Variants in KDM2A observed in about 807,000 individuals in gnomAD.
KDM2A encodes the protein lysine demethylase 2A.
Under a neutral mutation model 137.3 loss-of-function variants are expected in KDM2A, and 3 were observed. That is an observed-to-expected ratio of 0.02 (90% confidence interval 0.01 to 0.06). The LOEUF (loss-of-function observed/expected upper bound fraction) is 0.06. Among genes scored for constraint, KDM2A ranks in the 10% least tolerant of loss-of-function variants. The probability of loss-of-function intolerance (pLI) is 1.00; values close to 1 mark genes in which losing one functional copy is unlikely to be tolerated. For missense variants in KDM2A, 738 were observed against 1,510.6 expected (o/e 0.49, Z 8.48); for synonymous variants, 512 against 541.5 (o/e 0.95, Z 0.76).
At chr11:67,234,690 A>C (rs1258998311) in intron 12 of KDM2A, among the ~76,000 whole-genome samples, 6 of 152,156 alleles carry the variant, frequency 3.9e-5, no homozygotes. Flanking sequence ...CCTCACCTCC[A>C]CAAAAATACA....
In KDM2A at chr11:67,252,813, A is replaced by G; in HGVS notation, c.2888A>G (p.Asn963Ser). The change falls in exon 18 of 21, where the codon AAC becomes AGC. Residue 963 changes from asparagine to serine, a missense_variant. By Grantham distance (46) the Asn-to-Ser change is conservative. This residue lies in a region of KDM2A where 166 missense variants were observed against 324.0 expected (regional missense o/e 0.51). Coordinates refer to ENST00000529006, the MANE Select transcript of KDM2A (RefSeq NM_012308.3). The stretch of plus-strand genomic sequence containing the variant: ...GTCAGCCTTGACCTCAGTTGGACCA[A>G]CATCTCTAAAAAGCAACTGACATGG... ...QPVSLDLSWT[N>S]ISKKQLTWLV... 6.2e-7 allele frequency: 1 copy of G among 1,613,574 alleles called. No homozygotes were observed. Among genetic ancestry groups the G allele is most frequent in the South Asian group, 1.1e-5 (1 of 91,058 alleles).
At chr11:67,160,876 G>A (rs1434049275) in intron 2 of KDM2A, among the ~76,000 whole-genome samples, 3 of 152,224 alleles carry the variant, frequency 2.0e-5, no homozygotes, top group East Asian at 1.9e-4. Context: ...GGGAAGCTGA[G>A]GCAGGAGAAT....
chr11:67,246,450 T>G (rs1859208112), intron 15 of KDM2A, among the ~76,000 whole-genome samples: 2 of 152,160 alleles, frequency 1.3e-5, no homozygotes, highest in Admixed American at 6.5e-5. Context: ...TTTAGGCATC[T>G]CTGATACATA....
rs949902332 is a variant in KDM2A, at chr11:67,256,460, T to C, written c.*1405T>C. On this transcript the variant is annotated 3_prime_UTR_variant, in exon 21 of 21. Transcript: ENST00000529006. The stretch of plus-strand genomic sequence containing the variant: ...GCCTATGGCAAGAGCTTATAAATGA[T>C]TGATGCAAATTTGCACTCTGCTCCC... 4 of 152,722 alleles carry C rather than the reference T, an allele frequency of 2.6e-5. No individual in the cohort carries two copies. The highest frequency in any genetic ancestry group is 1.3e-4 in the Admixed American group (2 of 15,296). 9.5% of individuals were successfully genotyped at this position (152,722 alleles called of 1,614,324 possible).
chr11:67,156,356 A>G (rs1856514929), intron 2 of KDM2A, among the ~76,000 whole-genome samples: 1 of 151,948 alleles, frequency 6.6e-6, no homozygotes. Context: ...AGGCTGAGGC[A>G]GGTGGATCAT....
chr11:67,190,797 T>G (rs986796951), intron 5 of KDM2A, among the ~76,000 whole-genome samples: 31 of 152,034 alleles, frequency 2.0e-4, no homozygotes, highest in African/African-American at 6.8e-4. Flanking sequence ...ATCAATAAAT[T>G]GGATAACCTA....
intron 2 of KDM2A, among the ~76,000 whole-genome samples, chr11:67,178,989 G>A (rs1279875579): frequency 3.3e-5 from 5 of 152,198 alleles, no homozygotes; most frequent in Non-Finnish European, 7.3e-5. Context: ...GTTTACCAGT[G>A]TCTGCACCAT....
chr11:67,247,067 A>T (rs1446608906), intron 15 of KDM2A, among the ~76,000 whole-genome samples: 1,027 of 27,388 alleles, frequency 0.037, 74 homozygotes, highest in Admixed American at 0.22. Flanking sequence ...ATATATATAT[A>T]TATATTTTTT....
chr11:67,247,053 AT>A (rs1671889489), intron 15 of KDM2A, among the ~76,000 whole-genome samples: 2 of 20,876 alleles, frequency 9.6e-5, no homozygotes, highest in African/African-American at 4.0e-4. Context: ...ATATATATAT[AT>A]ATATATATAT....
chr11:67,139,659 A>G (rs1043120720), intron 2 of KDM2A, among the ~76,000 whole-genome samples: 2 of 151,766 alleles, frequency 1.3e-5, no homozygotes, highest in Non-Finnish European at 2.9e-5. Flanking sequence ...TATTACAGGC[A>G]TGAGCCACCA....
intron 10 of KDM2A, among the ~76,000 whole-genome samples, chr11:67,221,163 A>G (rs1319390143): frequency 1.3e-5 from 2 of 152,230 alleles, no homozygotes; most frequent in Admixed American, 6.5e-5. Context: ...TCTAATTGGT[A>G]AGGGCTGAAT....
At position 67,231,947 on chromosome 11, in the gene KDM2A, T is replaced by C. The variant is rs1287724858; in HGVS notation, c.1466T>C (p.Ile489Thr). The part of the protein sequence containing the change: ...PTGIEDEDAL[I>T]ADVKILLEEL... ...GGGATAGAAGATGAAGATGCTCTCA[T>C]TGCTGATGTAAAGGTAAGGGTTTGA... The change falls in exon 12 of 21, where the codon ATT becomes ACT. Residue 489 changes from isoleucine to threonine, a missense_variant. By Grantham distance (89) the Ile-to-Thr change is moderately conservative (BLOSUM62 -1). Coordinates refer to ENST00000529006, the MANE Select transcript of KDM2A (RefSeq NM_012308.3). 2 of 1,612,278 alleles carry C rather than the reference T, an allele frequency of 1.2e-6. No homozygotes were observed.
At chr11:67,252,909 A>G (rs1441463897) in intron 18 of KDM2A, 52 bp downstream of exon 18, 1 of 1,553,308 alleles carries the variant, frequency 6.4e-7, no homozygotes, top group Non-Finnish European at 8.7e-7. Context: ...AGAAGCGGGC[A>G]AGAAAAGTTG....
chr11:67,181,016 G>A (rs1193908584), intron 3 of KDM2A, among the ~76,000 whole-genome samples: 1 of 147,948 alleles, frequency 6.8e-6, no homozygotes, highest in Admixed American at 6.8e-5. Context: ...TTTCTGTTTA[G>A]CATTTATAAG....
intron 6 of KDM2A, among the ~76,000 whole-genome samples, chr11:67,210,500 C>T (rs938769794): frequency 6.6e-6 from 1 of 152,074 alleles, no homozygotes; most frequent in Admixed American, 6.6e-5. Context: ...TGAATTTATT[C>T]ACTCTGTCCC....
chr11:67,166,076 G>A (rs910771841), intron 2 of KDM2A, among the ~76,000 whole-genome samples: 1 of 152,068 alleles, frequency 6.6e-6, no homozygotes, highest in South Asian at 2.1e-4. Flanking sequence ...ACAGAAATCA[G>A]GCAGTAAACA....
At chr11:67,252,416 C>T (rs1213061649) in intron 17 of KDM2A, 45 of 438,568 alleles carry the variant, frequency 1.0e-4, no homozygotes, top group Non-Finnish European at 3.0e-5. Flanking sequence ...GGGTCCCTAA[C>T]AACTGTTGTG....
chr11:67,190,656 G>A (rs1857329766), intron 5 of KDM2A, among the ~76,000 whole-genome samples: 1 of 152,080 alleles, frequency 6.6e-6, no homozygotes, highest in Non-Finnish European at 1.5e-5. Flanking sequence ...AGCTACTCAG[G>A]AGGCTGAGTC....
At chr11:67,242,234 A>G (rs929883623) in intron 12 of KDM2A, among the ~76,000 whole-genome samples, 4 of 151,744 alleles carry the variant, frequency 2.6e-5, no homozygotes, top group Non-Finnish European at 5.9e-5. Flanking sequence ...CCTTTCCCCC[A>G]TTTAGAGGAA....
Sources: allele counts gnomAD v4.1 joint callset (sites outside exome capture counted in the v4.1 genomes callset), GRCh38; gene constraint gnomAD v4.1.1; regional missense constraint gnomAD v4.1.1; transcripts MANE v1.5; gene names NCBI Gene and HGNC (gene_info 2026-07-23, HGNC 2026-07-21).